The following DLG2 variants were observed in gnomAD, a reference collection of about 807,000 sequenced individuals.
The protein encoded by DLG2 is disks large homolog 2.
A neutral mutation model predicts 132.5 loss-of-function variants in DLG2; 45 were observed. The observed-to-expected ratio is 0.34, with a 90% CI of 0.27 to 0.44. DLG2 has a LOEUF of 0.44. Among genes scored for constraint, DLG2 ranks in the 20% least tolerant of loss-of-function variants. The pLI, the probability that DLG2 is intolerant of heterozygous loss-of-function variation, is 1.00. For missense variants in DLG2, 1,045 were observed against 1,196.9 expected, an observed-to-expected ratio of 0.87 and a Z score of 1.87; for synonymous variants, 424 against 419.6, an observed-to-expected ratio of 1.01 and a Z score of -0.13.
chr11:84,582,478 T>A (rs1203544079), intron 6 of DLG2, among the ~76,000 whole-genome samples: 2 of 148,554 alleles, frequency 1.3e-5, no homozygotes, highest in East Asian at 3.9e-4. Context: ...TATAAATACA[T>A]ATATAATAAA....
At chr11:84,220,335 T>C (rs2096895702) in intron 8 of DLG2, among the ~76,000 whole-genome samples, 1 of 152,178 alleles carries the variant, frequency 6.6e-6, no homozygotes, top group South Asian at 2.1e-4. Flanking sequence ...AAGTGCTTAG[T>C]AAGTATCTAT....
intron 6 of DLG2, among the ~76,000 whole-genome samples, chr11:84,860,627 G>T (rs907040932): frequency 1.3e-5 from 2 of 152,048 alleles, no homozygotes; most frequent in Non-Finnish European, 2.9e-5. Flanking sequence ...ACATAATAGT[G>T]TCTGTAAAAT....
intron 18 of DLG2, among the ~76,000 whole-genome samples, chr11:83,746,007 C>T (rs2092882747): frequency 6.6e-6 from 1 of 152,080 alleles, no homozygotes; most frequent in African/African-American, 2.4e-5. Flanking sequence ...CAGAGAAATG[C>T]AAATCAAAAT....
chr11:85,612,392 A>C (rs1288612577), intron 2 of DLG2, among the ~76,000 whole-genome samples: 1 of 152,236 alleles, frequency 6.6e-6, no homozygotes, highest in Non-Finnish European at 1.5e-5. Context: ...GCAAGTAAGG[A>C]AACAAAGACA....
At chr11:85,436,049 C>CA (rs986020193) in intron 3 of DLG2, among the ~76,000 whole-genome samples, 4 of 151,842 alleles carry the variant, frequency 2.6e-5, no homozygotes, top group African/African-American at 4.8e-5. Context: ...CTAAAAAAAA[C>CA]AAAAAATGAG....
intron 6 of DLG2, among the ~76,000 whole-genome samples, chr11:84,613,143 G>C (rs1013559907): frequency 2.0e-5 from 3 of 152,066 alleles, no homozygotes; most frequent in Non-Finnish European, 2.9e-5. Context: ...AATCCTCCTA[G>C]CAACACTATC....
intron 7 of DLG2, among the ~76,000 whole-genome samples, chr11:84,514,262 CCA>C (rs139822281): frequency 0.1 from 15,348 of 152,024 alleles, 921 homozygotes; most frequent in African/African-American, 0.18. Context: ...ATTAGTACAA[CCA>C]CTATGGAGAG....
chr11:84,018,811 T>C (rs2095299179), intron 11 of DLG2, among the ~76,000 whole-genome samples: 1 of 151,654 alleles, frequency 6.6e-6, no homozygotes, highest in Non-Finnish European at 1.5e-5. Flanking sequence ...AGAGTGGAAT[T>C]CAACAAATTA....
intron 7 of DLG2, among the ~76,000 whole-genome samples, chr11:84,505,945 T>C (rs2099238177): frequency 6.6e-6 from 1 of 152,130 alleles, no homozygotes; most frequent in Non-Finnish European, 1.5e-5. Flanking sequence ...AGGTTATAAA[T>C]TCCTGAAACC....
At chr11:84,616,928 T>A (rs2099605385) in intron 6 of DLG2, among the ~76,000 whole-genome samples, 1 of 151,712 alleles carries the variant, frequency 6.6e-6, no homozygotes, top group African/African-American at 2.4e-5. Flanking sequence ...AAAGAAGCAT[T>A]GCTAGAAATG....
At chr11:83,970,243 G>A (rs534319751) in intron 12 of DLG2, among the ~76,000 whole-genome samples, 3 of 152,212 alleles carry the variant, frequency 2.0e-5, no homozygotes, top group African/African-American at 7.2e-5. Flanking sequence ...TGCACCTTTT[G>A]CCATTTTTAA....
intron 3 of DLG2, among the ~76,000 whole-genome samples, chr11:85,410,399 C>T (rs529178456): frequency 6.6e-6 from 1 of 151,562 alleles, no homozygotes; most frequent in South Asian, 2.1e-4. Flanking sequence ...AGCCCATAAG[C>T]CACTTTTGAG....
chr11:84,115,028 A>T (rs952179716), intron 9 of DLG2, among the ~76,000 whole-genome samples: 5 of 152,170 alleles, frequency 3.3e-5, no homozygotes, highest in South Asian at 4.1e-4. Flanking sequence ...AGCTATGCTT[A>T]GTCTGTAGTT....
chr11:83,764,731 G>T (rs932156635), intron 18 of DLG2, among the ~76,000 whole-genome samples: 1 of 152,152 alleles, frequency 6.6e-6, no homozygotes, highest in Non-Finnish European at 1.5e-5. Flanking sequence ...ACAGATTTAG[G>T]GTTTGAACAC....
At chr11:84,783,024 A>G (rs770904456) in intron 6 of DLG2, among the ~76,000 whole-genome samples, 9 of 152,096 alleles carry the variant, frequency 5.9e-5, no homozygotes, top group Non-Finnish European at 8.8e-5. Flanking sequence ...GCTTCTTCCT[A>G]TAACTCTCTT....
intron 6 of DLG2, among the ~76,000 whole-genome samples, chr11:84,638,956 T>C (rs999766329): frequency 6.6e-5 from 10 of 152,244 alleles, no homozygotes; most frequent in African/African-American, 2.4e-4. Flanking sequence ...GAACCTCTAT[T>C]GGCACTTCTG....
In DLG2 at chr11:83,780,637, G is replaced by A. The variant is rs747111026; in HGVS notation, c.1825+6053C>T. 2.6e-5 allele frequency among the ~76,000 whole-genome samples: 4 copies of A among 152,140 alleles called. No individual in the cohort carries two copies. In the East Asian group the frequency reaches 5.8e-4, roughly 22 times the overall value. On this transcript the variant is annotated intron_variant, in intron 18 of 27. Coordinates refer to ENST00000376104, the MANE Select transcript of DLG2 (RefSeq NM_001142699.3). ...GTCATAACTAAAGGCAATGAAGCCC[G>A]AATAGGTTCATTGTCTCACTAGCTG...
chr11:84,355,175 C>T lies in DLG2; in HGVS notation c.520-103884G>A, dbSNP rs1438560681. Among the ~76,000 whole-genome samples, 4 of 152,058 alleles carry T rather than the reference C, an allele frequency of 2.6e-5. No individual in the cohort carries two copies. In the East Asian group the frequency reaches 7.8e-4, roughly 30 times the overall value. On this transcript the variant is annotated intron_variant, in intron 7 of 27. Coordinates refer to ENST00000376104, the MANE Select transcript of DLG2 (RefSeq NM_001142699.3). The stretch of plus-strand genomic sequence containing the variant: ...CTGTGAATGCTTCTTAGAGGTGTTG[C>T]TACTTGTGCTAGGATTTGAAGGACA...
At chr11:84,436,302 T>TA (rs1159483366) in intron 7 of DLG2, among the ~76,000 whole-genome samples, 4 of 152,306 alleles carry the variant, frequency 2.6e-5, no homozygotes, top group Non-Finnish European at 1.5e-5. Context: ...CTTCTAAAGC[T>TA]AAAAAAATTC....
Sources: gnomAD v4.1 joint callset for allele counts (sites outside exome capture counted in the v4.1 genomes callset) on GRCh38, gnomAD v4.1.1 for gene constraint, MANE v1.5 for transcripts, NCBI Gene and HGNC (gene_info 2026-07-23, HGNC 2026-07-21) for gene names.